RFC1: variants seen among roughly 807,000 people sequenced by gnomAD.
RFC1 encodes A1 140 kDa subunit.
A neutral mutation model predicts 137.4 loss-of-function variants in RFC1; 37 were observed. The ratio of observed to expected loss-of-function variants is 0.27; its 90% CI spans 0.21 to 0.35. The LOEUF (loss-of-function observed/expected upper bound fraction) is 0.35. Among genes scored for constraint, RFC1 ranks in the 10% least tolerant of loss-of-function variants. RFC1 has a pLI of 1.00. For missense variants in RFC1, 1,205 were observed against 1,358.5 expected (o/e 0.89, Z 1.78); for synonymous variants, 429 against 455.7 (o/e 0.94, Z 0.75).
At chr4:39,300,520 G>A in intron 19 of RFC1, 106 bp from the exon 20 acceptor site, 1 of 820,842 alleles carries the variant, frequency 1.2e-6, no homozygotes, top group Non-Finnish European at 2.0e-6. Flanking sequence ...ATTCATTGCT[G>A]GTGGGAATGC....
chr4:39,304,663 A>G (rs1738541301), intron 15 of RFC1, 151 bp downstream of exon 15: 2 of 642,316 alleles, frequency 3.1e-6, no homozygotes, highest in South Asian at 1.8e-5. Context: ...GCCCCATAAG[A>G]GTGATGTCAG....
At chr4:39,353,824 T>C (rs1741332740) in intron 1 of RFC1, among the ~76,000 whole-genome samples, 1 of 152,224 alleles carries the variant, frequency 6.6e-6, no homozygotes, top group Admixed American at 6.5e-5. Context: ...TGATAGTGCA[T>C]GTGTGCCATG....
In RFC1 at chr4:39,320,537, T is replaced by C. The variant is rs780346100; in HGVS notation, c.941A>G (p.Lys314Arg). Residue 314 changes from lysine (K) to arginine (R), a missense_variant, in exon 9 of 25, where the codon AAG becomes AGG. By Grantham distance (26) the Lys-to-Arg change is conservative. This residue lies in a region of RFC1 where 962 missense variants were observed against 1,035.3 expected (regional missense o/e 0.93). Coordinates refer to ENST00000349703, the MANE Select transcript of RFC1 (RefSeq NM_002913.5). Reference protein sequence around the residue: ...ADKIGEVSSPKASSKLAIMKR... With the variant: ...ADKIGEVSSPRASSKLAIMKR... The stretch of plus-strand genomic sequence containing the variant: ...CATAATTGCCAGCTTAGAACTGGCC[T>C]TGGGAGAAGAGACTTCTCCTATTTT... The C allele has an allele frequency of 8.7e-6, 14 of 1,613,656 alleles. No homozygotes were observed. Among genetic ancestry groups the C allele is most frequent in the Non-Finnish European group, 1.1e-5 (13 of 1,179,916 alleles).
At chr4:39,340,548 G>A (rs886189888) in intron 4 of RFC1, among the ~76,000 whole-genome samples, 3 of 152,100 alleles carry the variant, frequency 2.0e-5, no homozygotes, top group African/African-American at 4.8e-5. Flanking sequence ...TTAGCCTAAC[G>A]TAAAGAGTAA....
At chr4:39,292,017 C>A in intron 22 of RFC1, 165 bp from the exon 23 acceptor site, 1 of 616,002 alleles carries the variant, frequency 1.6e-6, no homozygotes. Context: ...GAAAGCCCAG[C>A]ACCACAGCAT....
intron 1 of RFC1, among the ~76,000 whole-genome samples, chr4:39,353,521 C>CT (rs1741317799): frequency 6.6e-6 from 1 of 151,794 alleles, no homozygotes. Flanking sequence ...AAAGATACTG[C>CT]TTACAGACTG....
intron 19 of RFC1, among the ~76,000 whole-genome samples, chr4:39,300,952 G>A (rs190493962): frequency 9.7e-4 from 148 of 152,062 alleles, no homozygotes; most frequent in African/African-American, 3.4e-3. Flanking sequence ...AATTGGCCAG[G>A]TGTGGTGGCA....
At chr4:39,303,688 A>G (rs1738489463) in intron 15 of RFC1, among the ~76,000 whole-genome samples, 1 of 152,246 alleles carries the variant, frequency 6.6e-6, no homozygotes, top group Non-Finnish European at 1.5e-5. Context: ...TCCTGACCTC[A>G]GGTGATCTGT....
intron 3 of RFC1, 139 bp downstream of exon 3, chr4:39,345,262 G>T: frequency 3.3e-6 from 2 of 605,854 alleles, no homozygotes; most frequent in Non-Finnish European, 5.6e-6. Context: ...TCATCTGCCT[G>T]CCTTTGCCTC....
At chr4:39,298,046 GGC>G (rs1738122578) in intron 21 of RFC1, among the ~76,000 whole-genome samples, 1 of 152,202 alleles carries the variant, frequency 6.6e-6, no homozygotes, top group African/African-American at 2.4e-5. Flanking sequence ...CAGGTGCAGT[GGC>G]TCATGCCAGT....
intron 4 of RFC1, among the ~76,000 whole-genome samples, chr4:39,331,498 C>T (rs1039917002): frequency 6.6e-6 from 1 of 151,992 alleles, no homozygotes; most frequent in Non-Finnish European, 1.5e-5. Flanking sequence ...TAAATGACCA[C>T]GTAGGCAAAG....
intron 1 of RFC1, among the ~76,000 whole-genome samples, chr4:39,355,309 C>T (rs1288587888): frequency 6.6e-6 from 1 of 151,704 alleles, no homozygotes; most frequent in East Asian, 1.9e-4. Context: ...TGCCTGCATG[C>T]CTGTAGTCCC....
In RFC1 at chr4:39,366,226, C is replaced by A; in HGVS notation, c.3+13G>T. The stretch of plus-strand genomic sequence containing the variant: ...CCAGACCCCGAGCCGCACGGCCTCC[C>A]CCAGCGGCTCACCATCGCAGCCCCA... On this transcript the variant is annotated intron_variant, in intron 1 of 24. Transcript: ENST00000349703. The A allele has an allele frequency of 6.4e-7, 1 of 1,553,096 alleles. No homozygotes were observed. The highest frequency in any genetic ancestry group is 2.5e-5 in the East Asian group (1 of 40,530).
chr4:39,366,302 T>C lies in RFC1; in HGVS notation c.-61A>G, dbSNP rs1012853629. On this transcript the variant is annotated 5_prime_UTR_variant, in exon 1 of 25. Coordinates refer to ENST00000349703, the MANE Select transcript of RFC1 (RefSeq NM_002913.5). Reference sequence around the variant, plus strand: ...GGTGGGCCGGTTGAGGAATCTGTTATCGAGGCTCAGGATCCATTCGCGCCA... The same window carrying C: ...GGTGGGCCGGTTGAGGAATCTGTTACCGAGGCTCAGGATCCATTCGCGCCA... The C allele has an allele frequency of 4.0e-6, 6 of 1,495,144 alleles. No individual in the cohort carries two copies. Among genetic ancestry groups the C allele is most frequent in the Admixed American group, 2.3e-5 (1 of 44,284 alleles). The allele number at this position is 1,495,144 out of a possible 1,614,324, so 92.6% of individuals were successfully genotyped here.
chr4:39,342,541 C>A (rs762401131), intron 3 of RFC1, 74 bp from the exon 4 acceptor site: 24 of 1,438,866 alleles, frequency 1.7e-5, no homozygotes, highest in Admixed American at 7.8e-5. Context: ...AAAGTAGTCA[C>A]GGTGAACCAA....
rs747803546 is a variant in RFC1 at position 39,366,275 on chromosome 4, CGGGT to C, written c.-38_-35del. ...CAGGATGAAGGCGCTGGCTGGCTGG[CGGGT>C]GGGCCGGTTGAGGAATCTGTTATCG... On this transcript the variant is annotated 5_prime_UTR_variant, in exon 1 of 25. Coordinates refer to ENST00000349703, the MANE Select transcript of RFC1 (RefSeq NM_002913.5). The C allele has an allele frequency of 5.2e-6, 8 of 1,523,910 alleles. No individual in the cohort carries two copies. The Admixed American group carries it at 1.7e-4, about 33-fold the overall frequency. The allele number at this position is 1,523,910 out of a possible 1,614,324, so 94.4% of individuals were successfully genotyped here.
chr4:39,303,846 C>T (rs1738498072), intron 15 of RFC1, among the ~76,000 whole-genome samples: 1 of 152,210 alleles, frequency 6.6e-6, no homozygotes, highest in Non-Finnish European at 1.5e-5. Flanking sequence ...CTCCATTCTA[C>T]ACTTGTATCA....
intron 21 of RFC1, 196 bp from the exon 22 acceptor site, chr4:39,295,955 G>A (rs969033574): frequency 2.7e-5 from 12 of 446,816 alleles, no homozygotes; most frequent in Admixed American, 8.0e-5. Context: ...AACAGATTGC[G>A]GTACACACCT....
At position 39,342,443 on chromosome 4, in the gene RFC1, T is replaced by G. The variant is rs1248660560; in HGVS notation, c.233A>C (p.Gln78Pro). ...DSDSESEETL[Q>P]VKNAKKPPEK... ...TGGTGGCTTTTTGGCATTTTTTACCTGCAACGTCTCCTCTGACTCTGAATC... is the reference window on the plus strand; with the variant it reads ...TGGTGGCTTTTTGGCATTTTTTACCGGCAACGTCTCCTCTGACTCTGAATC... The change falls in exon 4 of 25, where the codon CAG becomes CCG. Residue 78 changes from glutamine to proline, a missense_variant. By Grantham distance (76) the Gln-to-Pro change is moderately conservative. Coordinates refer to ENST00000349703, the MANE Select transcript of RFC1 (RefSeq NM_002913.5). 3.1e-6 allele frequency: 5 copies of G among 1,613,096 alleles called. No individual in the cohort carries two copies. In the Admixed American group the frequency reaches 6.7e-5, roughly 22 times the overall value.
Sources: gnomAD v4.1 joint callset for allele counts (sites outside exome capture counted in the v4.1 genomes callset) on GRCh38, gnomAD v4.1.1 for gene constraint, gnomAD v4.1.1 regional missense constraint, MANE v1.5 for transcripts, NCBI Gene and HGNC (gene_info 2026-07-23, HGNC 2026-07-21) for gene names.